BCL9: variants seen among roughly 807,000 people sequenced by gnomAD.
The protein encoded by BCL9 is B-cell CLL/lymphoma 9 protein.
BCL9 carries 25 observed loss-of-function variants against 88.5 expected under a neutral mutation model. That is an observed-to-expected ratio of 0.28 (90% confidence interval 0.21 to 0.39). The LOEUF is 0.39. BCL9 is among the 10% of genes least tolerant of loss of function. BCL9 has a pLI of 1.00. For synonymous variants in BCL9, 711 were observed against 673.3 expected (o/e 1.06, Z -0.87); for missense variants, 1,817 against 1,877.8 (o/e 0.97, Z 0.60).
At chr1:147,561,204 T>C (rs1655361355) in intron 1 of BCL9, among the ~76,000 whole-genome samples, 1 of 152,226 alleles carries the variant, frequency 6.6e-6, no homozygotes. Context: ...TCTTTTTTTC[T>C]CAAAAGAAAC....
In BCL9 at chr1:147,560,093, T is replaced by C. The variant is rs782119247; in HGVS notation, c.-478+18419T>C. Among the ~76,000 whole-genome samples the C allele has an allele frequency of 3.9e-5, 6 of 152,256 alleles. No individual in the cohort carries two copies. The East Asian group carries it at 9.7e-4, about 25-fold the overall frequency. ...GAACAGAACAGAAAAAGAATGTAAA[T>C]GATGCAGGGAAACACTTGTGCTATT... On this transcript the variant is annotated intron_variant, in intron 1 of 9. Transcript: ENST00000234739.
At chr1:147,608,546 A>G (rs1351834387) in intron 3 of BCL9, among the ~76,000 whole-genome samples, 6 of 151,868 alleles carry the variant, frequency 4.0e-5, no homozygotes, top group African/African-American at 1.2e-4. Context: ...GGAGATAGAT[A>G]TTGATGAAAA....
Position 147,599,566 on chromosome 1 carries a change from G to C in BCL9, c.-477-5211G>C, listed in dbSNP as rs980630974. On this transcript the variant is annotated intron_variant, in intron 1 of 9. Transcript: ENST00000234739. Reference sequence around the variant, plus strand: ...GGGAGAGTGAGCGCGTGGGGAGGAGGGGACGGGAAGAGGAGACCCTCCCGT... The same window carrying C: ...GGGAGAGTGAGCGCGTGGGGAGGAGCGGACGGGAAGAGGAGACCCTCCCGT... 1.4e-3 allele frequency among the ~76,000 whole-genome samples: 206 copies of C among 152,284 alleles called. 2 individuals are homozygous for C. Among genetic ancestry groups the C allele is most frequent in the Non-Finnish European group, 1.0e-3 (70 of 68,010 alleles).
Position 147,620,479 on chromosome 1 carries a change from A to G in BCL9, c.2324A>G (p.Gln775Arg). 11 of 1,614,138 alleles carry G rather than the reference A, an allele frequency of 6.8e-6. No individual in the cohort carries two copies. The highest frequency in any genetic ancestry group is 9.3e-6 in the Non-Finnish European group (11 of 1,180,010). The change falls in exon 8 of 10, where the codon CAG (glutamine) becomes CGG (arginine). Residue 775 changes from glutamine (Q) to arginine (R), a missense_variant. Coordinates refer to ENST00000234739, the MANE Select transcript of BCL9 (RefSeq NM_004326.4). ...CTGCCATTTGGTGAGCACCCCCAGC[A>G]GGAGTATGGCATGGGCCCCAGACCA... ...VPLPFGEHPQ[Q>R]EYGMGPRPFL... is the part of the protein sequence containing the mutation.
chr1:147,602,717 A>G (rs1570890436), intron 1 of BCL9, among the ~76,000 whole-genome samples: 1 of 152,352 alleles, frequency 6.6e-6, no homozygotes, highest in East Asian at 1.9e-4. Context: ...AACAATTTCC[A>G]TAGAGTTCTC....
chr1:147,566,787 G>A (rs1655623143), intron 1 of BCL9, among the ~76,000 whole-genome samples: 1 of 152,082 alleles, frequency 6.6e-6, no homozygotes, highest in African/African-American at 2.4e-5. Flanking sequence ...AAAGTCATGG[G>A]CCATAAAGCT....
At chr1:147,587,929 C>T (rs181881574) in intron 1 of BCL9, among the ~76,000 whole-genome samples, 89 of 152,118 alleles carry the variant, frequency 5.9e-4, no homozygotes, top group African/African-American at 1.8e-3. Context: ...AAATAAATTA[C>T]GTAGGTTTAC....
At chr1:147,598,909 G>C (rs1657176795) in intron 1 of BCL9, among the ~76,000 whole-genome samples, 1 of 152,206 alleles carries the variant, frequency 6.6e-6, no homozygotes, top group African/African-American at 2.4e-5. Flanking sequence ...CCGAATCTGA[G>C]CTTTGATTCA....
At chr1:147,607,568 A>T (rs369748078) in intron 3 of BCL9, among the ~76,000 whole-genome samples, 1 of 152,254 alleles carries the variant, frequency 6.6e-6, no homozygotes, top group Non-Finnish European at 1.5e-5. Flanking sequence ...AGAAAATTTT[A>T]TGTAGATTGA....
intron 1 of BCL9, among the ~76,000 whole-genome samples, chr1:147,559,973 C>T (rs1361679200): frequency 6.6e-6 from 1 of 152,176 alleles, no homozygotes; most frequent in Non-Finnish European, 1.5e-5. Context: ...TCTTGGAAAC[C>T]AGAGTTTGAA....
chr1:147,612,123 C>T (rs1658037001), intron 4 of BCL9, among the ~76,000 whole-genome samples: 1 of 152,176 alleles, frequency 6.6e-6, no homozygotes, highest in Admixed American at 6.5e-5. Flanking sequence ...CCTGACCTCT[C>T]CCCGCACCTC....
intron 1 of BCL9, among the ~76,000 whole-genome samples, chr1:147,559,085 T>A (rs1164708995): frequency 2.0e-5 from 3 of 152,156 alleles, no homozygotes; most frequent in Non-Finnish European, 4.4e-5. Flanking sequence ...AAATTTGTCT[T>A]GTTAGAATTG....
In BCL9 at chr1:147,619,593, T is replaced by C; in HGVS notation, c.1438T>C (p.Tyr480His). The change falls in exon 8 of 10, where the codon TAT becomes CAT. Residue 480 changes from tyrosine to histidine, a missense_variant. Around this residue, in one of 2 missense-constraint regions of BCL9, gnomAD observed 1,228 missense variants for 1,191.6 expected, o/e 1.03. Coordinates refer to ENST00000234739, the MANE Select transcript of BCL9 (RefSeq NM_004326.4). This position sits in a 1 kb window ranked among gnomAD's most constrained non-coding sequence, Gnocchi z 4.1. ...GTGGCTGAAACTGCAGCAGGAGTTT[T>C]ATGAAGAGAAGAGGAGGAAGCAGGA... Reference protein sequence around the residue: ...IAWLKLQQEFYEEKRRKQEQV... With the variant: ...IAWLKLQQEFHEEKRRKQEQV... 1 of 1,613,942 alleles carries C rather than the reference T, an allele frequency of 6.2e-7. No individual in the cohort carries two copies. Among genetic ancestry groups the C allele is most frequent in the Non-Finnish European group, 8.5e-7 (1 of 1,179,992 alleles).
Position 147,611,710 on chromosome 1 carries a change from G to T in BCL9, c.-127G>T. The stretch of plus-strand genomic sequence containing the variant: ...GAGGAAAAAGGCATACAGGCAGCGA[G>T]CGCTAAGGGACGCACCCAGCAAGCA... On this transcript the variant is annotated 5_prime_UTR_variant, in exon 4 of 10. Transcript: ENST00000234739. 1.2e-6 allele frequency: 1 copy of T among 841,610 alleles called. No homozygotes were observed. Among genetic ancestry groups the T allele is most frequent in the East Asian group, 2.5e-5 (1 of 40,736 alleles). 52.1% of individuals were successfully genotyped at this position (841,610 alleles called of 1,614,324 possible). A position where few individuals can be genotyped will look rare whatever the true frequency, so the allele number is the denominator to read the frequency against.
intron 1 of BCL9, among the ~76,000 whole-genome samples, chr1:147,565,486 G>A (rs1655558783): frequency 1.3e-5 from 2 of 152,206 alleles, no homozygotes; most frequent in African/African-American, 4.8e-5. Context: ...GCCAAGTGCT[G>A]TTGGTGAGTG....
rs370458960 is a variant in BCL9, at chr1:147,596,603, C to A, written c.-477-8174C>A. Among the ~76,000 whole-genome samples the A allele has an allele frequency of 3.3e-5, 5 of 151,334 alleles. No homozygotes were observed. In the East Asian group the frequency reaches 5.8e-4, roughly 18 times the overall value. On this transcript the variant is annotated intron_variant, in intron 1 of 9. Coordinates refer to ENST00000234739, the MANE Select transcript of BCL9 (RefSeq NM_004326.4). ...TAATTTTTTGTATTTTTAGTAGAGA[C>A]GGGGTTTCACCGTGTTAGCCAGGAT...
intron 7 of BCL9, among the ~76,000 whole-genome samples, chr1:147,617,035 A>G (rs1553203959): frequency 3.9e-5 from 6 of 152,232 alleles, no homozygotes. Flanking sequence ...TATTTTGTGT[A>G]TCAGAAAAGT....
Position 147,621,032 on chromosome 1 carries a change from A to C in BCL9, c.2877A>C (p.Pro959=). ...AAGCACCCCTCACCATGGCCTCCCC[A>C]GCCATGCTGGGAAATGTAGAGTCAG... ...NHKAPLTMAS[P]AMLGNVESGG... Residue 959 remains proline, a synonymous_variant, in exon 8 of 10, where the codon CCA becomes CCC. Coordinates refer to ENST00000234739, the MANE Select transcript of BCL9 (RefSeq NM_004326.4). 3 of 1,613,760 alleles carry C rather than the reference A, an allele frequency of 1.9e-6. No homozygotes were observed. The highest frequency in any genetic ancestry group is 1.7e-5 in the Admixed American group (1 of 60,022).
chr1:147,615,130 C>T (rs782281972), intron 6 of BCL9, among the ~76,000 whole-genome samples: 36 of 152,224 alleles, frequency 2.4e-4, no homozygotes, highest in African/African-American at 8.2e-4. Context: ...CATGAGCCAC[C>T]GCGCCTGGCC....
Sources: gnomAD v4.1 joint callset for allele counts (sites outside exome capture counted in the v4.1 genomes callset) on GRCh38, gnomAD v4.1.1 for gene constraint, gnomAD v4.1.1 regional missense constraint, Gnocchi (gnomAD v3.1) non-coding constraint, MANE v1.5 for transcripts, NCBI Gene and HGNC (gene_info 2026-07-23, HGNC 2026-07-21) for gene names.